Variants in LAMA5 observed in about 807,000 individuals in gnomAD.
LAMA5 encodes laminin subunit alpha-5.
A neutral mutation model predicts 433.4 loss-of-function variants in LAMA5; 260 were observed. That is an observed-to-expected ratio of 0.60 (90% CI 0.54 to 0.66). The LOEUF (loss-of-function observed/expected upper bound fraction) is 0.66, where lower values mean the gene tolerates loss of function less well. Among genes scored for constraint, LAMA5 ranks in the 30% least tolerant of loss-of-function variants. LAMA5 has a pLI of 0.00. For missense variants in LAMA5, 5,378 were observed against 5,258.5 expected (o/e 1.02, Z -0.70); for synonymous variants, 2,620 against 2,226.6 (o/e 1.18, Z -4.97).
Position 62,323,510 on chromosome 20 carries a change from C to T in LAMA5, c.6010G>A (p.Glu2004Lys), listed in dbSNP as rs756534143. Reference sequence around the variant, plus strand: ...CCGTAGAAGCCGGGGGCACAGATCTCGCAGCGGGGCCCAGTGGTGTGGCGC... The same window carrying T: ...CCGTAGAAGCCGGGGGCACAGATCTTGCAGCGGGGCCCAGTGGTGTGGCGC... ...CLRHTTGPRC[E>K]ICAPGFYGNA... Residue 2004 changes from glutamate to lysine, a missense_variant, in exon 45 of 80, where the codon GAG becomes AAG. By Grantham distance (56) the Glu-to-Lys change is moderately conservative (BLOSUM62 1). Coordinates refer to ENST00000252999, the MANE Select transcript of LAMA5 (RefSeq NM_005560.6). The T allele has an allele frequency of 1.5e-5, 24 of 1,563,358 alleles. No homozygotes were observed. The highest frequency in any genetic ancestry group is 5.4e-5 in the African/African-American group (4 of 74,270).
At chr20:62,321,760 T>A (rs115870119) in intron 48 of LAMA5, among the ~76,000 whole-genome samples, 1 of 27,814 alleles carries the variant, frequency 3.6e-5, no homozygotes. Flanking sequence ...AGGGGTGGGG[T>A]CAGTGGGGGA....
At position 62,328,539 on chromosome 20, in the gene LAMA5, C is replaced by T. The variant is rs570410868; in HGVS notation, c.4448-94G>A. On this transcript the variant is annotated intron_variant, in intron 34 of 79. Transcript: ENST00000252999. Reference sequence around the variant, plus strand: ...AGCCCTAGGGGATGTGGCAGTGTGACGGGGGCGGGGGAGACAAGAACAGGG... The same window carrying T: ...AGCCCTAGGGGATGTGGCAGTGTGATGGGGGCGGGGGAGACAAGAACAGGG... The T allele has an allele frequency of 3.4e-5, 44 of 1,297,950 alleles. No individual in the cohort carries two copies. In the East Asian group the frequency reaches 7.7e-4, roughly 23 times the overall value. 80.4% of individuals were successfully genotyped at this position (1,297,950 alleles called of 1,614,324 possible).
chr20:62,351,618 C>G (rs1345059573), intron 6 of LAMA5, 86 bp downstream of exon 6: 26 of 1,338,600 alleles, frequency 1.9e-5, no homozygotes, highest in African/African-American at 2.9e-5. Flanking sequence ...GGTCACCCAC[C>G]CTCAGGTTAG....
At position 62,334,549 on chromosome 20, in the gene LAMA5, G is replaced by A. The variant is rs763837575; in HGVS notation, c.2555C>T (p.Pro852Leu). ...EPRTGVCRCR[P>L]NTQGPTCSEP... ...GCTGCAGGTGGGGCCCTGGGTGTTG[G>A]GGCGGCACCGGCAGACGCCCGTCCT... The change falls in exon 21 of 80, where the codon CCC (proline) becomes CTC (leucine). Residue 852 changes from proline (P) to leucine (L), a missense_variant. Physicochemically the swap from Pro to Leu is moderately conservative, Grantham distance 98. Coordinates refer to ENST00000252999, the MANE Select transcript of LAMA5 (RefSeq NM_005560.6). The A allele has an allele frequency of 1.9e-6, 3 of 1,548,622 alleles. No individual in the cohort carries two copies. The highest frequency in any genetic ancestry group is 2.6e-6 in the Non-Finnish European group (3 of 1,146,738).
chr20:62,340,354 C>CAGGCTGGA (rs1202754885), intron 11 of LAMA5, among the ~76,000 whole-genome samples: 3 of 138,034 alleles, frequency 2.2e-5, no homozygotes, highest in African/African-American at 7.8e-5. Flanking sequence ...TCTTGTTGCC[C>CAGGCTGGA]AGGCTGGAGT....
rs766452798 is a variant in LAMA5 at position 62,316,075 on chromosome 20, T to C, written c.7757-17A>G. On this transcript the variant is annotated splice_polypyrimidine_tract_variant and intron_variant, in intron 57 of 79. Coordinates refer to ENST00000252999, the MANE Select transcript of LAMA5 (RefSeq NM_005560.6). ...CAGCCCACACTGCGGGGGAGGCAGC[T>C]TCAGCTCCCAGGCAGCTTCACCCCC... is the stretch of plus-strand genomic sequence containing the variant. 6.3e-7 allele frequency: 1 copy of C among 1,576,362 alleles called. No individual in the cohort carries two copies. Among genetic ancestry groups the C allele is most frequent in the Admixed American group, 1.7e-5 (1 of 58,314 alleles).
intron 55 of LAMA5, 127 bp from the exon 56 acceptor site, chr20:62,317,150 C>G: frequency 8.0e-7 from 1 of 1,246,420 alleles, no homozygotes; most frequent in Non-Finnish European, 1.1e-6. Flanking sequence ...CAGGTCTTTG[C>G]CCGTGCCTGT....
At position 62,330,919 on chromosome 20, in the gene LAMA5, G is replaced by T. The variant is rs780013927; in HGVS notation, c.3676C>A (p.Pro1226Thr). 3.2e-6 allele frequency: 5 copies of T among 1,549,692 alleles called. No individual in the cohort carries two copies. In the South Asian group the frequency reaches 5.9e-5, roughly 18 times the overall value. The change falls in exon 30 of 80, where the codon CCA (proline) becomes ACA (threonine). Residue 1226 changes from proline to threonine, a missense_variant. Physicochemically the swap from Pro to Thr is conservative, Grantham distance 38 (BLOSUM62 -1). Coordinates refer to ENST00000252999, the MANE Select transcript of LAMA5 (RefSeq NM_005560.6). ...AGGATGATGGGCTGGGGCGGCTTTG[G>T]GAAGCGCGAGGGCAGACAGGCGGCA... ...NSAACLPSRF[P>T]KPPQPIILRD... is the part of the protein sequence containing the mutation.
intron 2 of LAMA5, among the ~76,000 whole-genome samples, chr20:62,360,488 GTGGTGGGTGGGTGGAGGGATAGA>G (rs1985919948): frequency 6.3e-3 from 1 of 160 alleles, no homozygotes; most frequent in Admixed American, 0.071. Flanking sequence ...GGATAGATGG[GTGGTGGGTGGGTGGAGGGATAGA>G]TGGGTGGGTG....
At chr20:62,358,866 G>A (rs1985627051) in intron 2 of LAMA5, among the ~76,000 whole-genome samples, 1 of 152,120 alleles carries the variant, frequency 6.6e-6, no homozygotes, top group Non-Finnish European at 1.5e-5. Flanking sequence ...GGAGGGGACA[G>A]CTGACTGCCT....
chr20:62,341,379 A>G (rs149416355), intron 11 of LAMA5, among the ~76,000 whole-genome samples: 2 of 152,364 alleles, frequency 1.3e-5, no homozygotes. Context: ...TTATAGCTTT[A>G]AACTAGAGTT....
At chr20:62,330,391 T>C in intron 31 of LAMA5, 97 bp downstream of exon 31, 1 of 1,412,946 alleles carries the variant, frequency 7.1e-7, no homozygotes, top group Non-Finnish European at 9.3e-7. Flanking sequence ...TCATGTTGCC[T>C]GTCGCTCATA....
chr20:62,311,816 T>TGGGGGCCCC, intron 70 of LAMA5, 32 bp from the exon 71 acceptor site: 5 of 1,521,002 alleles, frequency 3.3e-6, no homozygotes, highest in Non-Finnish European at 4.5e-6. Flanking sequence ...GCTCGGTTTT[T>TGGGGGCCCC]CCCCACCCTG....
At chr20:62,326,100 G>A (rs575287545) in intron 40 of LAMA5, among the ~76,000 whole-genome samples, 3 of 152,086 alleles carry the variant, frequency 2.0e-5, no homozygotes, top group Non-Finnish European at 2.9e-5. Context: ...GGTGCCTATA[G>A]TCCCAGCTAC....
chr20:62,314,284 C>G lies in LAMA5; in HGVS notation c.8504+20G>C. The G allele has an allele frequency of 1.2e-6, 2 of 1,610,396 alleles. No homozygotes were observed. The highest frequency in any genetic ancestry group is 1.7e-6 in the Non-Finnish European group (2 of 1,178,456). ...GGCCCTGCAGTTGGAGGCATCCGGC[C>G]TCTCTCCTGGGCCTCCCACCTGTCC... is the stretch of plus-strand genomic sequence containing the variant. On this transcript the variant is annotated intron_variant, in intron 62 of 79. Coordinates refer to ENST00000252999, the MANE Select transcript of LAMA5 (RefSeq NM_005560.6).
chr20:62,317,661 C>A lies in LAMA5; in HGVS notation c.7356+1G>T. 1.3e-6 allele frequency: 2 copies of A among 1,571,688 alleles called. No homozygotes were observed. The highest frequency in any genetic ancestry group is 1.7e-6 in the Non-Finnish European group (2 of 1,159,524). On this transcript the variant is annotated splice_donor_variant, in intron 54 of 79. Transcript: ENST00000252999. LOFTEE classifies it high-confidence loss of function. ...CGACAGGGGCCAGGGGCTGCACTCA[C>A]CTCCTTAGCCTGGTCCAGGCTGTGC...
At chr20:62,360,117 G>A (rs974398644) in intron 2 of LAMA5, among the ~76,000 whole-genome samples, 1 of 150,482 alleles carries the variant, frequency 6.6e-6, no homozygotes, top group Non-Finnish European at 1.5e-5. Flanking sequence ...CCACTCCAGG[G>A]AGTCCCTGCC....
rs767146055 is a variant in LAMA5, at chr20:62,314,729, C to A, written c.8197-4G>T. The A allele has an allele frequency of 1.2e-6, 2 of 1,612,278 alleles. No individual in the cohort carries two copies. ...TGAACTTCATGGGCACCTTGACCTG[C>A]GGGGCACGGTCCATCAGCGTCCACC... On this transcript the variant is annotated splice_polypyrimidine_tract_variant and splice_region_variant and intron_variant, in intron 60 of 79. Coordinates refer to ENST00000252999, the MANE Select transcript of LAMA5 (RefSeq NM_005560.6).
chr20:62,309,401 CG>C lies in LAMA5; in HGVS notation c.11022del (p.Val3675SerfsTer3), dbSNP rs1985831623. Reference sequence around the variant, plus strand: ...ACCTCCACAGAGCGAGTCATGGCGACGGGGGACCGGTTCACCGCCAGCCTCC... The same window carrying C: ...ACCTCCACAGAGCGAGTCATGGCGACGGGGACCGGTTCACCGCCAGCCTCC... ...CMRRLAVNRS[P>X]VAMTRSVEVH... On this transcript the variant is annotated frameshift_variant, in exon 80 of 80. Transcript: ENST00000252999. LOFTEE classifies it low-confidence loss of function (END_TRUNC). 1 of 1,585,446 alleles carries C rather than the reference CG, an allele frequency of 6.3e-7. No individual in the cohort carries two copies.
Sources: allele counts gnomAD v4.1 joint callset (sites outside exome capture counted in the v4.1 genomes callset), GRCh38; gene constraint gnomAD v4.1.1; transcripts MANE v1.5; gene names NCBI Gene and HGNC (gene_info 2026-07-23, HGNC 2026-07-21).